Variants in PDS5B observed in about 807,000 individuals in gnomAD.
PDS5B encodes PDS5 cohesin associated factor B, also known as sister chromatid cohesion protein PDS5 homolog B.
Under a neutral mutation model 184.1 loss-of-function variants are expected in PDS5B, and 51 were observed. The observed-to-expected ratio is 0.28, with a 90% CI of 0.22 to 0.35. The LOEUF is 0.35. PDS5B is among the 10% of genes least tolerant of loss of function. The pLI, the probability that PDS5B is intolerant of heterozygous loss-of-function variation, is 1.00. For synonymous variants in PDS5B, 566 were observed against 569.2 expected (o/e 0.99, Z 0.08); for missense variants, 1,180 against 1,723.3 (o/e 0.68, Z 5.58).
chr13:32,762,409 T>C (rs956421030), intron 30 of PDS5B, among the ~76,000 whole-genome samples: 6 of 152,194 alleles, frequency 3.9e-5, no homozygotes, highest in Non-Finnish European at 8.8e-5. Context: ...ATATATAGTA[T>C]GATAGAAATA....
chr13:32,679,907 G>GTC (rs1300330771), intron 10 of PDS5B, among the ~76,000 whole-genome samples: 4 of 145,512 alleles, frequency 2.7e-5, no homozygotes, highest in African/African-American at 7.7e-5. Flanking sequence ...GTGTGTGTGT[G>GTC]TGTGTGTGTC....
At chr13:32,646,705 ATCTTT>A (rs1365202865) in intron 1 of PDS5B, among the ~76,000 whole-genome samples, 1 of 151,996 alleles carries the variant, frequency 6.6e-6, no homozygotes, top group African/African-American at 2.4e-5. Flanking sequence ...AAATTTAAAA[ATCTTT>A]TCTTTTAACC....
chr13:32,765,280 C>G (rs1954548462), intron 31 of PDS5B, among the ~76,000 whole-genome samples: 1 of 152,134 alleles, frequency 6.6e-6, no homozygotes, highest in Non-Finnish European at 1.5e-5. Context: ...ATTTTCTTAT[C>G]TGTATGTAAA....
chr13:32,622,155 CTTCAT>C (rs1164364231), intron 1 of PDS5B, among the ~76,000 whole-genome samples: 1 of 151,252 alleles, frequency 6.6e-6, no homozygotes, highest in Non-Finnish European at 1.5e-5. Flanking sequence ...TCATTTTATT[CTTCAT>C]TTCTTTTCCT....
chr13:32,736,488 G>A (rs529770936), intron 21 of PDS5B, among the ~76,000 whole-genome samples: 25 of 152,038 alleles, frequency 1.6e-4, no homozygotes, highest in African/African-American at 5.5e-4. Flanking sequence ...TTTATTGACA[G>A]TCTTGTTCCT....
In PDS5B at chr13:32,773,184, T is replaced by C. The variant is rs1954847374; in HGVS notation, c.4173-5T>C. ...TCATTGTGTTTTACATGTGTTTTAC[T>C]CTAGCCGTGTAGGACGCTCCAAACA... is the stretch of plus-strand genomic sequence containing the variant. On this transcript the variant is annotated splice_region_variant and splice_polypyrimidine_tract_variant and intron_variant, in intron 33 of 34. Coordinates refer to ENST00000315596, the MANE Select transcript of PDS5B (RefSeq NM_015032.4). 1 of 1,598,160 alleles carries C rather than the reference T, an allele frequency of 6.3e-7. No homozygotes were observed. Among genetic ancestry groups the C allele is most frequent in the South Asian group, 1.1e-5 (1 of 87,532 alleles).
At chr13:32,593,087 A>G (rs1392401341) in intron 1 of PDS5B, among the ~76,000 whole-genome samples, 2 of 152,168 alleles carry the variant, frequency 1.3e-5, no homozygotes. Context: ...TTCTGTGAAA[A>G]ACGCCAAACC....
intron 19 of PDS5B, among the ~76,000 whole-genome samples, chr13:32,731,251 A>G (rs1043576403): frequency 2.0e-5 from 3 of 152,138 alleles, no homozygotes; most frequent in South Asian, 2.1e-4. Context: ...GTATCAGGCA[A>G]TGAGGAAGAT....
chr13:32,699,344 T>G (rs1951799922), intron 15 of PDS5B, among the ~76,000 whole-genome samples: 1 of 152,172 alleles, frequency 6.6e-6, no homozygotes, highest in South Asian at 2.1e-4. Flanking sequence ...AGGAAAATAG[T>G]TCTTAAAGGT....
At chr13:32,724,200 T>G (rs927267246) in intron 19 of PDS5B, among the ~76,000 whole-genome samples, 1 of 152,148 alleles carries the variant, frequency 6.6e-6, no homozygotes, top group African/African-American at 2.4e-5. Flanking sequence ...CACTGCGGCC[T>G]TGAACTTCTG....
At chr13:32,624,937 A>C (rs2058349041) in intron 1 of PDS5B, among the ~76,000 whole-genome samples, 1 of 152,062 alleles carries the variant, frequency 6.6e-6, no homozygotes, top group Non-Finnish European at 1.5e-5. Context: ...GTGAGTGTGG[A>C]AATGAAGGTT....
In PDS5B at chr13:32,675,509, G is replaced by C. The variant is rs543509928; in HGVS notation, c.847-335G>C. On this transcript the variant is annotated intron_variant, in intron 8 of 34. Transcript: ENST00000315596. ...AAAAACCACACATAGTTTTTCAAGG[G>C]TCCTGGGTAGGTTTTATAAGAGTTC... Among the ~76,000 whole-genome samples, 65 of 152,080 alleles carry C rather than the reference G, an allele frequency of 4.3e-4. 1 individual carries two copies. Among genetic ancestry groups the C allele is most frequent in the Non-Finnish European group, 8.7e-4 (59 of 68,012 alleles).
At chr13:32,595,389 T>C (rs2057848211) in intron 1 of PDS5B, among the ~76,000 whole-genome samples, 1 of 152,052 alleles carries the variant, frequency 6.6e-6, no homozygotes, top group Non-Finnish European at 1.5e-5. Context: ...AGATACACAA[T>C]AAAAAACCTC....
At chr13:32,632,221 A>G (rs1394250805) in intron 1 of PDS5B, among the ~76,000 whole-genome samples, 1 of 152,218 alleles carries the variant, frequency 6.6e-6, no homozygotes, top group Non-Finnish European at 1.5e-5. Context: ...ATCAAAGGAC[A>G]TAAGAAAATG....
chr13:32,652,680 C>T (rs1566287024), intron 3 of PDS5B: 1 of 150,556 alleles, frequency 6.6e-6, no homozygotes, highest in Non-Finnish European at 1.5e-5. Flanking sequence ...GTGCTTGAAC[C>T]CCCGGGGGGC....
At chr13:32,586,699 G>C (rs1484663372) in intron 1 of PDS5B, 106 bp downstream of exon 1, 1 of 150,048 alleles carries the variant, frequency 6.7e-6, no homozygotes, top group Admixed American at 6.6e-5. Context: ...GTGTGGCAGG[G>C]CTGAAGCGCC....
chr13:32,770,879 G>A (rs1457164202), intron 33 of PDS5B, 118 bp downstream of exon 33: 2 of 720,906 alleles, frequency 2.8e-6, no homozygotes, highest in Non-Finnish European at 4.6e-6. Context: ...ATTACACTAG[G>A]TAAGATAAAA....
intron 30 of PDS5B, among the ~76,000 whole-genome samples, chr13:32,762,417 A>G (rs1280754886): frequency 6.6e-6 from 1 of 152,232 alleles, no homozygotes; most frequent in Non-Finnish European, 1.5e-5. Flanking sequence ...TATGATAGAA[A>G]TAAAAGAAAT....
chr13:32,672,061 T>C lies in PDS5B; in HGVS notation c.706-1155T>C, dbSNP rs1282852556. On this transcript the variant is annotated intron_variant, in intron 7 of 34. Transcript: ENST00000315596. ...AGCTATATGGTAGGGAAAAATTGTT[T>C]AAATTTGGATTTTCCTTGTGTTTGT... Among the ~76,000 whole-genome samples, 30 of 152,200 alleles carry C rather than the reference T, an allele frequency of 2.0e-4. 1 individual carries two copies. Among genetic ancestry groups the C allele is most frequent in the Admixed American group, 2.0e-3 (30 of 15,278 alleles).
Sources: allele counts gnomAD v4.1 joint callset (sites outside exome capture counted in the v4.1 genomes callset), GRCh38; gene constraint gnomAD v4.1.1; transcripts MANE v1.5; gene names NCBI Gene and HGNC (gene_info 2026-07-23, HGNC 2026-07-21).